The following CLDN14 variants were observed in gnomAD, a reference collection of about 807,000 sequenced individuals.
CLDN14 encodes the protein claudin 14, also known as claudin-14.
In CLDN14, 2 loss-of-function variants were observed where a neutral mutation model predicts 2.1. The ratio of observed to expected loss-of-function variants is 0.96; its 90% CI spans 0.39 to 3.01. The LOEUF (loss-of-function observed/expected upper bound fraction) is 3.01. Among genes scored for constraint, CLDN14 ranks in the 30% most tolerant of loss-of-function variants. The pLI, the probability that CLDN14 is intolerant of heterozygous loss-of-function variation, is 0.09. For missense variants in CLDN14, 298 were observed against 328.0 expected, an observed-to-expected ratio of 0.91 and a Z score of 0.71; for synonymous variants, 136 against 154.4, an observed-to-expected ratio of 0.88 and a Z score of 0.88.
chr21:36,475,004 A>C (rs765385616), intron 1 of CLDN14, among the ~76,000 whole-genome samples: 3 of 152,174 alleles, frequency 2.0e-5, no homozygotes, highest in Non-Finnish European at 2.9e-5. Flanking sequence ...GGGAGGCTTG[A>C]GCACAGAGGA....
intron 1 of CLDN14, among the ~76,000 whole-genome samples, chr21:36,514,032 T>A (rs2087205644): frequency 6.6e-6 from 1 of 152,044 alleles, no homozygotes; most frequent in Non-Finnish European, 1.5e-5. Context: ...TGATTTATAT[T>A]TTTTTGTAGA....
chr21:36,463,548 C>T lies in CLDN14; in HGVS notation c.-81-1772G>A, dbSNP rs149200035. The stretch of plus-strand genomic sequence containing the variant: ...CCAACATGGTGAAAACCTGCCTCTA[C>T]TAAAAATACAAAAATTAGCTGATCG... On this transcript the variant is annotated intron_variant, in intron 1 of 1. Transcript: ENST00000399135. Among the ~76,000 whole-genome samples, 32 of 152,246 alleles carry T rather than the reference C, an allele frequency of 2.1e-4. No homozygotes were observed. In the East Asian group the frequency reaches 5.6e-3, roughly 27 times the overall value.
intron 1 of CLDN14, among the ~76,000 whole-genome samples, chr21:36,565,710 C>T (rs1291139070): frequency 6.6e-6 from 1 of 152,150 alleles, no homozygotes; most frequent in Non-Finnish European, 1.5e-5. Context: ...AGCCCAGTAC[C>T]CTGAGAGCAA....
chr21:36,500,232 G>A (rs2087081251), intron 2 of CLDN14, among the ~76,000 whole-genome samples: 1 of 152,074 alleles, frequency 6.6e-6, no homozygotes, highest in Non-Finnish European at 1.5e-5. Flanking sequence ...GCTGGGTTGG[G>A]CTTCCCTGTA....
chr21:36,500,037 G>A (rs1399411780), intron 2 of CLDN14, among the ~76,000 whole-genome samples: 1 of 152,022 alleles, frequency 6.6e-6, no homozygotes, highest in Non-Finnish European at 1.5e-5. Flanking sequence ...TGTTTGCTTT[G>A]CTTTTGGAAA....
At chr21:36,559,828 G>A (rs1015138561) in intron 1 of CLDN14, among the ~76,000 whole-genome samples, 5 of 152,148 alleles carry the variant, frequency 3.3e-5, no homozygotes, top group Non-Finnish European at 5.9e-5. Flanking sequence ...TTTGTCATAT[G>A]CTATCAGGAA....
At chr21:36,564,883 A>G (rs1025548967) in intron 1 of CLDN14, among the ~76,000 whole-genome samples, 3 of 152,150 alleles carry the variant, frequency 2.0e-5, no homozygotes, top group African/African-American at 7.2e-5. Flanking sequence ...GAAGGTGGAG[A>G]AAGGGGCCAC....
chr21:36,493,638 C>T (rs2086989448), intron 2 of CLDN14, among the ~76,000 whole-genome samples: 2 of 152,110 alleles, frequency 1.3e-5, no homozygotes, highest in South Asian at 2.1e-4. Context: ...GGAAGGGAAG[C>T]CTAGCGGCCG....
intron 1 of CLDN14, among the ~76,000 whole-genome samples, chr21:36,554,786 A>C (rs2087587439): frequency 6.6e-6 from 1 of 152,158 alleles, no homozygotes; most frequent in Non-Finnish European, 1.5e-5. Flanking sequence ...GGGATGTGTT[A>C]TCATCAAGGA....
At chr21:36,526,753 C>T (rs2087333727) in intron 1 of CLDN14, among the ~76,000 whole-genome samples, 1 of 152,224 alleles carries the variant, frequency 6.6e-6, no homozygotes, top group Non-Finnish European at 1.5e-5. Context: ...CAAATCTCAC[C>T]CCTATTTAAT....
chr21:36,488,274 C>CTTCCTTCCTTCA (rs60820945), intron 2 of CLDN14, among the ~76,000 whole-genome samples: 1 of 147,798 alleles, frequency 6.8e-6, no homozygotes, highest in East Asian at 2.0e-4. Context: ...TCCTTCCTTC[C>CTTCCTTCCTTCA]CTCTCTCTTT....
intron 1 of CLDN14, among the ~76,000 whole-genome samples, chr21:36,543,775 A>C (rs909964253): frequency 3.3e-5 from 5 of 152,172 alleles, no homozygotes; most frequent in African/African-American, 1.2e-4. Flanking sequence ...TGTAATTTAC[A>C]TATATTCATT....
At chr21:36,491,861 G>T (rs1284079314) in intron 2 of CLDN14, among the ~76,000 whole-genome samples, 1 of 152,134 alleles carries the variant, frequency 6.6e-6, no homozygotes, top group Admixed American at 6.6e-5. Flanking sequence ...CTCTGGGCTG[G>T]GGTCTCACCA....
intron 1 of CLDN14, among the ~76,000 whole-genome samples, chr21:36,560,203 T>C (rs1272138545): frequency 6.9e-6 from 1 of 145,422 alleles, no homozygotes; most frequent in Non-Finnish European, 1.5e-5. Context: ...CATTTCTTTC[T>C]ATTCCTAGTT....
At chr21:36,476,985 C>T (rs1038160492) in intron 1 of CLDN14, among the ~76,000 whole-genome samples, 1 of 152,256 alleles carries the variant, frequency 6.6e-6, no homozygotes, top group Non-Finnish European at 1.5e-5. Flanking sequence ...TAGACATACA[C>T]ACAGTGGCCA....
At chr21:36,497,994 G>C (rs1407571272) in intron 2 of CLDN14, among the ~76,000 whole-genome samples, 3 of 151,928 alleles carry the variant, frequency 2.0e-5, no homozygotes, top group Non-Finnish European at 2.9e-5. Flanking sequence ...TTGTCAGCGA[G>C]AGGAAGATGC....
At chr21:36,504,786 TAAG>T (rs2087117407) in intron 2 of CLDN14, among the ~76,000 whole-genome samples, 2 of 152,174 alleles carry the variant, frequency 1.3e-5, no homozygotes, top group East Asian at 1.9e-4. Context: ...TTCAATGAAA[TAAG>T]AAGTAAAACT....
chr21:36,521,345 G>C (rs1226368422), intron 1 of CLDN14, among the ~76,000 whole-genome samples: 1 of 152,160 alleles, frequency 6.6e-6, no homozygotes, highest in Non-Finnish European at 1.5e-5. Context: ...AGTAAAGCTA[G>C]GGCATGAATG....
chr21:36,514,047 G>A (rs903121890), intron 1 of CLDN14, among the ~76,000 whole-genome samples: 3 of 151,994 alleles, frequency 2.0e-5, no homozygotes, highest in African/African-American at 7.2e-5. Flanking sequence ...TGTAGAGACA[G>A]GGTTTCTCAC....
Sources: allele counts gnomAD v4.1 joint callset (sites outside exome capture counted in the v4.1 genomes callset), GRCh38; gene constraint gnomAD v4.1.1; transcripts MANE v1.5; gene names NCBI Gene and HGNC (gene_info 2026-07-23, HGNC 2026-07-21).